MYO1D: variants seen among roughly 807,000 people sequenced by gnomAD.
The protein encoded by MYO1D is myosin ID.
Under a neutral mutation model 122.0 loss-of-function variants are expected in MYO1D, and 83 were observed. That is an observed-to-expected ratio of 0.68 (90% CI 0.57 to 0.82). The LOEUF (loss-of-function observed/expected upper bound fraction) is 0.82, where lower values mean the gene tolerates loss of function less well. Among genes scored for constraint, MYO1D ranks in the 40% least tolerant of loss-of-function variants. The pLI is 0.00. For synonymous variants in MYO1D, 464 were observed against 446.9 expected, an observed-to-expected ratio of 1.04 and a Z score of -0.48; for missense variants, 1,157 against 1,269.5, an observed-to-expected ratio of 0.91 and a Z score of 1.35.
intron 14 of MYO1D, 102 bp from the exon 15 acceptor site, chr17:32,721,291 T>C: frequency 9.6e-7 from 1 of 1,039,694 alleles, no homozygotes; most frequent in Non-Finnish European, 1.4e-6. Flanking sequence ...TTAAGCTCAG[T>C]GCCTCTAATT....
intron 1 of MYO1D, among the ~76,000 whole-genome samples, chr17:32,868,464 C>T (rs906116096): frequency 3.3e-5 from 5 of 152,022 alleles, no homozygotes; most frequent in African/African-American, 7.2e-5. Flanking sequence ...CCCTAGTTTG[C>T]GCCATTGCAA....
At chr17:32,869,614 C>T (rs1197222996) in intron 1 of MYO1D, among the ~76,000 whole-genome samples, 2 of 152,220 alleles carry the variant, frequency 1.3e-5, no homozygotes, top group East Asian at 1.9e-4. Context: ...AGCTGACTCA[C>T]ACTTAGGTGA....
At chr17:32,627,083 A>C (rs1355085647) in intron 20 of MYO1D, among the ~76,000 whole-genome samples, 1 of 152,226 alleles carries the variant, frequency 6.6e-6, no homozygotes, top group African/African-American at 2.4e-5. Context: ...GCAGAACTAT[A>C]AACATTGTGC....
intron 16 of MYO1D, among the ~76,000 whole-genome samples, chr17:32,687,590 G>T (rs557938214): frequency 6.6e-6 from 1 of 152,074 alleles, no homozygotes; most frequent in Non-Finnish European, 1.5e-5. Flanking sequence ...CAATCTTCCT[G>T]CTTCAGTCTC....
intron 21 of MYO1D, among the ~76,000 whole-genome samples, chr17:32,520,558 A>C (rs1368264933): frequency 1.3e-5 from 2 of 152,236 alleles, no homozygotes; most frequent in Non-Finnish European, 2.9e-5. Flanking sequence ...ATAGAGAGGC[A>C]TGTCGATGAA....
chr17:32,721,174 G>A lies in MYO1D; in HGVS notation c.1762C>T (p.Arg588Cys), dbSNP rs772153912. The A allele has an allele frequency of 1.7e-5, 27 of 1,613,534 alleles. No individual in the cohort carries two copies. The Admixed American group carries it at 3.0e-4, about 18-fold the overall frequency. The change falls in exon 15 of 22, where the codon CGT becomes TGT. Residue 588 changes from arginine to cysteine, a missense_variant. Transcript: ENST00000318217. ...NLASKEPYYV[R>C]CIKPNDKKSP... ...TTCTTGTCATTGGGTTTGATGCAAC[G>A]AACGTAATATGGTTCCTAAAGAAAT...
At chr17:32,781,497 T>C (rs376108925) in intron 1 of MYO1D, among the ~76,000 whole-genome samples, 1 of 152,292 alleles carries the variant, frequency 6.6e-6, no homozygotes, top group East Asian at 1.9e-4. Flanking sequence ...GGCATGTGTA[T>C]TTTTAAAGTA....
intron 6 of MYO1D, 145 bp downstream of exon 6, chr17:32,770,980 T>C: frequency 2.0e-6 from 1 of 488,030 alleles, no homozygotes; most frequent in African/African-American, 2.0e-5. Flanking sequence ...TGAATCTCTG[T>C]CCTTGAGAAT....
intron 1 of MYO1D, among the ~76,000 whole-genome samples, chr17:32,790,573 C>A (rs1489269440): frequency 6.6e-6 from 1 of 152,186 alleles, no homozygotes; most frequent in Admixed American, 6.5e-5. Context: ...TCAGAACGAT[C>A]TTCTCTTTAT....
intron 21 of MYO1D, among the ~76,000 whole-genome samples, chr17:32,597,186 C>A (rs1402168004): frequency 6.6e-6 from 1 of 152,130 alleles, no homozygotes; most frequent in African/African-American, 2.4e-5. Context: ...AGAAAACTAG[C>A]TGCCACTTAT....
chr17:32,758,796 T>C (rs915519512), intron 10 of MYO1D, among the ~76,000 whole-genome samples: 2 of 152,188 alleles, frequency 1.3e-5, no homozygotes, highest in Non-Finnish European at 2.9e-5. Context: ...GGATCTGCCA[T>C]GTAGTAAGTA....
chr17:32,836,370 T>C (rs1471300603), intron 1 of MYO1D, among the ~76,000 whole-genome samples: 7 of 152,206 alleles, frequency 4.6e-5, no homozygotes, highest in African/African-American at 7.2e-5. Flanking sequence ...ATATAGGGCA[T>C]AGTTTGCTGA....
At chr17:32,510,282 CAG>C (rs1769824338) in intron 21 of MYO1D, 1 of 152,224 alleles carries the variant, frequency 6.6e-6, no homozygotes, top group Non-Finnish European at 1.5e-5. Context: ...GCTTCTGAGT[CAG>C]AGGAAAAGGC....
intron 1 of MYO1D, among the ~76,000 whole-genome samples, chr17:32,848,985 T>C (rs2090961839): frequency 6.6e-6 from 1 of 152,140 alleles, no homozygotes; most frequent in Non-Finnish European, 1.5e-5. Context: ...AGAAATAAAT[T>C]GTTAGAAATA....
Position 32,760,424 on chromosome 17 carries a change from TTAAG to T in MYO1D, c.1182-24_1182-21del, listed in dbSNP as rs765609713. On this transcript the variant is annotated intron_variant, in intron 9 of 21. Transcript: ENST00000318217. ...TCAAAACTACAAGAAAAGGAATAAA[TTAAG>T]TTTCAACAAATAGAAAACAGGCAAC... 14 of 1,604,556 alleles carry T rather than the reference TTAAG, an allele frequency of 8.7e-6. No homozygotes were observed. The East Asian group carries it at 3.1e-4, about 36-fold the overall frequency.
At position 32,762,613 on chromosome 17, in the gene MYO1D, C is replaced by T. The variant is rs529682010; in HGVS notation, c.1036-1986G>A. On this transcript the variant is annotated intron_variant, in intron 8 of 21. Transcript: ENST00000318217. Reference sequence around the variant, plus strand: ...AACTTGCCAGGTGCAGTGGCTCATGCCTGTAATCCCAACACTCTGGGAAGC... The same window carrying T: ...AACTTGCCAGGTGCAGTGGCTCATGTCTGTAATCCCAACACTCTGGGAAGC... Among the ~76,000 whole-genome samples the T allele has an allele frequency of 7.9e-5, 12 of 152,238 alleles. No individual in the cohort carries two copies. In the South Asian group the frequency reaches 2.5e-3, roughly 32 times the overall value.
At chr17:32,724,989 C>T (rs2089555403) in intron 14 of MYO1D, among the ~76,000 whole-genome samples, 1 of 151,950 alleles carries the variant, frequency 6.6e-6, no homozygotes. Context: ...GAATTAGAAA[C>T]AGCAAAACAA....
intron 15 of MYO1D, among the ~76,000 whole-genome samples, chr17:32,719,963 A>G (rs1262579161): frequency 6.6e-6 from 1 of 152,036 alleles, no homozygotes; most frequent in Non-Finnish European, 1.5e-5. Context: ...CCTCTGCCCC[A>G]TCTTCTCTTT....
chr17:32,773,470 T>G (rs1013907511), intron 4 of MYO1D, among the ~76,000 whole-genome samples: 9 of 152,088 alleles, frequency 5.9e-5, no homozygotes, highest in Non-Finnish European at 1.3e-4. Flanking sequence ...CCTTGATCCT[T>G]CACCTTGGTG....
Sources: gnomAD v4.1 joint callset for allele counts (sites outside exome capture counted in the v4.1 genomes callset) on GRCh38, gnomAD v4.1.1 for gene constraint, MANE v1.5 for transcripts, NCBI Gene and HGNC (gene_info 2026-07-23, HGNC 2026-07-21) for gene names.